Variants in KIF21A observed in about 807,000 individuals in gnomAD.
The protein encoded by KIF21A is kinesin family member 21A.
In KIF21A, 114 loss-of-function variants were observed where a neutral mutation model predicts 202.9. The ratio of observed to expected loss-of-function variants is 0.56; its 90% CI spans 0.48 to 0.66. The LOEUF (loss-of-function observed/expected upper bound fraction) is 0.66, where lower values mean the gene tolerates loss of function less well. KIF21A is among the 30% of genes least tolerant of loss of function. KIF21A has a pLI of 0.00. For synonymous variants in KIF21A, 667 were observed against 670.8 expected (o/e 0.99, Z 0.09); for missense variants, 1,677 against 1,994.9 (o/e 0.84, Z 3.04).
In KIF21A at chr12:39,340,538, T is replaced by C. The variant is rs113218274; in HGVS notation, c.2111-174A>G. Among the ~76,000 whole-genome samples, 395 of 152,212 alleles carry C rather than the reference T, an allele frequency of 2.6e-3. 3 individuals are homozygous for C. The highest frequency in any genetic ancestry group is 8.7e-3 in the African/African-American group (361 of 41,568). On this transcript the variant is annotated intron_variant, in intron 15 of 37. Transcript: ENST00000361418. ...TATTATCTACTCTTAACCTGTTTAA[T>C]GATTATTGAAGCTTATTTATTAATA...
intron 28 of KIF21A, among the ~76,000 whole-genome samples, chr12:39,318,696 T>C (rs947808596): frequency 9.9e-5 from 15 of 152,230 alleles, no homozygotes; most frequent in African/African-American, 3.6e-4. Context: ...AGAAGGATAA[T>C]TTCGGCCAGG....
chr12:39,410,648 G>T (rs2140041650), intron 1 of KIF21A, among the ~76,000 whole-genome samples: 1 of 152,158 alleles, frequency 6.6e-6, no homozygotes. Flanking sequence ...AAGCACACAA[G>T]TAACATTTAC....
rs1332763678 is a variant in KIF21A at position 39,356,533 on chromosome 12, A to G, written c.1469+299T>C. Reference sequence around the variant, plus strand: ...AGAGGCATACGAAGGAAAGGCATCAAAGATAACTTCAGCAACATAAACTTT... The same window carrying G: ...AGAGGCATACGAAGGAAAGGCATCAGAGATAACTTCAGCAACATAAACTTT... On this transcript the variant is annotated intron_variant, in intron 10 of 37. Coordinates refer to ENST00000361418, the MANE Select transcript of KIF21A (RefSeq NM_001173464.2). 9 of 243,994 alleles carry G rather than the reference A, an allele frequency of 3.7e-5. No homozygotes were observed. In the South Asian group the frequency reaches 6.4e-4, roughly 17 times the overall value. The allele number at this position is 243,994 out of a possible 1,614,324, so 15.1% of individuals were successfully genotyped here.
intron 34 of KIF21A, among the ~76,000 whole-genome samples, chr12:39,306,248 G>A (rs1292771405): frequency 6.6e-6 from 1 of 152,210 alleles, no homozygotes; most frequent in Admixed American, 6.5e-5. Flanking sequence ...GTCTCCAAGA[G>A]TCAAACCTAT....
chr12:39,356,926 C>T (rs1348119403), intron 9 of KIF21A, 31 bp from the exon 10 acceptor site: 2 of 1,067,304 alleles, frequency 1.9e-6, no homozygotes, highest in South Asian at 2.6e-5. Context: ...TAAAAATTTT[C>T]CTTTAAATTA....
intron 29 of KIF21A, among the ~76,000 whole-genome samples, chr12:39,316,653 G>C (rs1436605611): frequency 1.3e-5 from 2 of 152,154 alleles, no homozygotes; most frequent in African/African-American, 2.4e-5. Flanking sequence ...GGCTTGAGGA[G>C]AATGAGGATA....
intron 7 of KIF21A, 108 bp from the exon 8 acceptor site, chr12:39,358,481 C>A: frequency 3.0e-6 from 3 of 1,005,908 alleles, no homozygotes; most frequent in Non-Finnish European, 4.6e-6. Flanking sequence ...TTCAAGATAC[C>A]AAAATATTGA....
At chr12:39,307,781 G>A (rs1352137559) in intron 33 of KIF21A, 52 bp from the exon 34 acceptor site, 3 of 1,549,198 alleles carry the variant, frequency 1.9e-6, no homozygotes, top group Admixed American at 3.4e-5. Context: ...CTTGGGTTTG[G>A]CTTAGAATTC....
rs1950241869 is a variant in KIF21A, at chr12:39,375,903, A to G, written c.45-5642T>C. On this transcript the variant is annotated intron_variant, in intron 1 of 37. Coordinates refer to ENST00000361418, the MANE Select transcript of KIF21A (RefSeq NM_001173464.2). ...ATTATTGCCATAGCCACATGATAGC[A>G]TCTTGCACAAATGAGATACTATGAG... Among the ~76,000 whole-genome samples the G allele has an allele frequency of 4.6e-5, 7 of 152,152 alleles. No homozygotes were observed. In the South Asian group the frequency reaches 1.4e-3, roughly 32 times the overall value.
In KIF21A at chr12:39,315,834, T is replaced by G. The variant is rs572898804; in HGVS notation, c.3947+98A>C. The G allele has an allele frequency of 2.8e-5, 23 of 820,598 alleles. No homozygotes were observed. In the African/African-American group the frequency reaches 3.3e-4, roughly 12 times the overall value. The allele number at this position is 820,598 out of a possible 1,614,324, so 50.8% of individuals were successfully genotyped here. A position where few individuals can be genotyped will look rare whatever the true frequency, so the allele number is the denominator to read the frequency against. On this transcript the variant is annotated intron_variant, in intron 30 of 37. Coordinates refer to ENST00000361418, the MANE Select transcript of KIF21A (RefSeq NM_001173464.2). ...CATTTATATGATTTACAACAAGTGA[T>G]GCATGCAACAAAAATGAGACTTGCT...
chr12:39,300,311 G>A (rs907002693), intron 37 of KIF21A, among the ~76,000 whole-genome samples: 10 of 152,054 alleles, frequency 6.6e-5, no homozygotes, highest in African/African-American at 1.7e-4. Flanking sequence ...AAGCAAAAGC[G>A]GTGACTTTTC....
intron 12 of KIF21A, among the ~76,000 whole-genome samples, chr12:39,344,223 C>A (rs1300949493): frequency 1.3e-5 from 2 of 152,116 alleles, no homozygotes; most frequent in Non-Finnish European, 2.9e-5. Flanking sequence ...ACTAGGACTG[C>A]TGATTTTCCA....
In KIF21A at chr12:39,392,556, C is replaced by G. The variant is rs112422597; in HGVS notation, c.45-22295G>C. On this transcript the variant is annotated intron_variant, in intron 1 of 37. Coordinates refer to ENST00000361418, the MANE Select transcript of KIF21A (RefSeq NM_001173464.2). ...TTGTGGCATACCCAGCTCTTGCACA[C>G]CCTTTGTCAACCACTTATGTTTGCC... 2.6e-3 allele frequency among the ~76,000 whole-genome samples: 397 copies of G among 152,090 alleles called. 3 individuals are homozygous for G. The highest frequency in any genetic ancestry group is 8.8e-3 in the African/African-American group (363 of 41,476).
intron 1 of KIF21A, among the ~76,000 whole-genome samples, chr12:39,395,612 CG>C (rs1555189318): frequency 6.6e-6 from 1 of 152,030 alleles, no homozygotes; most frequent in Non-Finnish European, 1.5e-5. Context: ...GAGGCTGAGG[CG>C]GGCGGGTCTC....
intron 10 of KIF21A, among the ~76,000 whole-genome samples, chr12:39,356,268 A>C (rs1221758251): frequency 1.3e-5 from 2 of 152,238 alleles, no homozygotes; most frequent in Non-Finnish European, 2.9e-5. Flanking sequence ...TATGCTGCCC[A>C]ACCTAGAGTG....
At chr12:39,412,022 T>G (rs560801122) in intron 1 of KIF21A, among the ~76,000 whole-genome samples, 10 of 151,922 alleles carry the variant, frequency 6.6e-5, no homozygotes, top group Middle Eastern at 6.8e-3. Context: ...TTTTTTTTTG[T>G]AGAGACGGGG....
chr12:39,341,655 A>G, intron 13 of KIF21A, 33 bp from the exon 14 acceptor site: 1 of 1,568,136 alleles, frequency 6.4e-7, no homozygotes, highest in Non-Finnish European at 8.6e-7. Context: ...TAATAGCACA[A>G]TATTGGCAAA....
At chr12:39,364,522 T>C (rs947871026) in intron 6 of KIF21A, among the ~76,000 whole-genome samples, 1 of 152,216 alleles carries the variant, frequency 6.6e-6, no homozygotes, top group Non-Finnish European at 1.5e-5. Context: ...AAGATGAGTA[T>C]TGGAGTTGGA....
chr12:39,405,704 A>C (rs1317323365), intron 1 of KIF21A, among the ~76,000 whole-genome samples: 1 of 152,178 alleles, frequency 6.6e-6, no homozygotes, highest in African/African-American at 2.4e-5. Flanking sequence ...AAGTTCCAAA[A>C]CAAACCACTA....
Sources: allele counts gnomAD v4.1 joint callset (sites outside exome capture counted in the v4.1 genomes callset), GRCh38; gene constraint gnomAD v4.1.1; transcripts MANE v1.5; gene names NCBI Gene and HGNC (gene_info 2026-07-23, HGNC 2026-07-21).